The following TMEM232 variants were observed in gnomAD, a reference collection of about 807,000 sequenced individuals.
The protein encoded by TMEM232 is transmembrane protein 232.
TMEM232 carries 80 observed loss-of-function variants against 78.8 expected under a neutral mutation model. The observed-to-expected ratio is 1.01, with a 90% CI of 0.85 to 1.22. The LOEUF (loss-of-function observed/expected upper bound fraction) is 1.22. TMEM232 is among the 50% of genes most tolerant of loss of function. TMEM232 has a pLI of 0.00. For missense variants in TMEM232, 881 were observed against 742.2 expected (o/e 1.19, Z -2.17); for synonymous variants, 297 against 254.3 (o/e 1.17, Z -1.60).
At chr5:110,691,747 A>C (rs1222942180) in intron 1 of TMEM232, among the ~76,000 whole-genome samples, 1 of 152,226 alleles carries the variant, frequency 6.6e-6, no homozygotes, top group Non-Finnish European at 1.5e-5. Flanking sequence ...TTTACCCTAC[A>C]TACCGTAACC....
At chr5:110,734,439 C>G (rs768549970) in intron 2 of TMEM232, among the ~76,000 whole-genome samples, 1 of 152,184 alleles carries the variant, frequency 6.6e-6, no homozygotes, top group Non-Finnish European at 1.5e-5. Flanking sequence ...TACCAACTAC[C>G]CAAAGGGCAG....
rs116044417 is a variant in TMEM232, at chr5:110,504,766, T to C, written c.1703+23822A>G. Among the ~76,000 whole-genome samples the C allele has an allele frequency of 2.1e-3, 325 of 152,314 alleles. 2 individuals carry two copies. The highest frequency in any genetic ancestry group is 7.4e-3 in the African/African-American group (309 of 41,580). Reference sequence around the variant, plus strand: ...ACTGATTGGACAAGGGCCACCCAAATTAGGAAGGGCAACTTGCTTTACTCA... The same window carrying C: ...ACTGATTGGACAAGGGCCACCCAAACTAGGAAGGGCAACTTGCTTTACTCA... On this transcript the variant is annotated intron_variant, in intron 12 of 13. Coordinates refer to ENST00000455884, the MANE Select transcript of TMEM232 (RefSeq NM_001039763.4).
At chr5:110,475,675 T>C (rs1580837193) in intron 12 of TMEM232, among the ~76,000 whole-genome samples, 1 of 151,820 alleles carries the variant, frequency 6.6e-6, no homozygotes, top group Admixed American at 6.6e-5. Context: ...AAGTGGCTAG[T>C]TTGTTTGCAA....
chr5:110,709,760 AT>A (rs1796285181), intron 1 of TMEM232, among the ~76,000 whole-genome samples: 1 of 152,070 alleles, frequency 6.6e-6, no homozygotes, highest in Non-Finnish European at 1.5e-5. Flanking sequence ...ATTTATTGCT[AT>A]AAATGGCTAC....
At chr5:110,478,483 A>G (rs1337794323) in intron 12 of TMEM232, among the ~76,000 whole-genome samples, 2 of 151,920 alleles carry the variant, frequency 1.3e-5, no homozygotes, top group East Asian at 1.9e-4. Flanking sequence ...GAAATGTCTA[A>G]GCAACTGAGG....
intron 12 of TMEM232, among the ~76,000 whole-genome samples, chr5:110,514,896 G>C (rs953811268): frequency 6.6e-6 from 1 of 151,994 alleles, no homozygotes; most frequent in Non-Finnish European, 1.5e-5. Context: ...TCAAGGCCTA[G>C]AAAAAATAAG....
chr5:110,532,132 C>T (rs2149540938), intron 11 of TMEM232, among the ~76,000 whole-genome samples: 2 of 152,208 alleles, frequency 1.3e-5, no homozygotes, highest in Middle Eastern at 6.8e-3. Flanking sequence ...AAAATCTGGC[C>T]ACCAAGCCAA....
chr5:110,524,278 A>G (rs1419056940), intron 12 of TMEM232, among the ~76,000 whole-genome samples: 1 of 148,048 alleles, frequency 6.8e-6, no homozygotes, highest in Non-Finnish European at 1.5e-5. Flanking sequence ...AAAAAAAAGG[A>G]AAAGAGAGAG....
chr5:110,539,463 A>G (rs1328821706), intron 11 of TMEM232, among the ~76,000 whole-genome samples: 1 of 152,206 alleles, frequency 6.6e-6, no homozygotes, highest in Non-Finnish European at 1.5e-5. Context: ...CTCCTGGCTC[A>G]GGTGCCAAAA....
chr5:110,403,921 G>T (rs1188484085), intron 2 of TMEM232, among the ~76,000 whole-genome samples: 1 of 151,926 alleles, frequency 6.6e-6, no homozygotes, highest in Non-Finnish European at 1.5e-5. Context: ...AATTCTTCAT[G>T]CTAGGAGATA....
intron 1 of TMEM232, among the ~76,000 whole-genome samples, chr5:110,713,033 T>G (rs567119056): frequency 1.3e-5 from 2 of 151,916 alleles, no homozygotes; most frequent in Admixed American, 1.3e-4. Flanking sequence ...GATGAGTGGA[T>G]AGAGAAAATG....
chr5:110,569,556 G>A (rs958990272), intron 10 of TMEM232, among the ~76,000 whole-genome samples: 2 of 151,850 alleles, frequency 1.3e-5, no homozygotes, highest in African/African-American at 2.4e-5. Flanking sequence ...GAGTTTTAAA[G>A]CCCTTTAAAT....
chr5:110,393,901 C>T (rs192821041), intron 3 of TMEM232, among the ~76,000 whole-genome samples: 70 of 144,224 alleles, frequency 4.9e-4, no homozygotes, highest in South Asian at 2.0e-3. Flanking sequence ...GAGGTTGCAG[C>T]GGGCCACAAT....
chr5:110,528,476 G>A, intron 12 of TMEM232, 112 bp downstream of exon 12: 19 of 1,210,938 alleles, frequency 1.6e-5, no homozygotes, highest in Non-Finnish European at 2.1e-5. Context: ...GCCAAAATTT[G>A]AATTGAAGAA....
intron 2 of TMEM232, among the ~76,000 whole-genome samples, chr5:110,643,099 A>G (rs1786976342): frequency 6.6e-6 from 1 of 152,084 alleles, no homozygotes; most frequent in Non-Finnish European, 1.5e-5. Flanking sequence ...TTCGGCTCCA[A>G]CCAGATTTGC....
At chr5:110,460,512 C>CAAAG (rs1194433925) in intron 12 of TMEM232, among the ~76,000 whole-genome samples, 3 of 151,988 alleles carry the variant, frequency 2.0e-5, no homozygotes, top group Non-Finnish European at 4.4e-5. Flanking sequence ...AAAAATACTG[C>CAAAG]AAAGAAATTA....
At chr5:110,589,425 C>G (rs1779235399) in intron 10 of TMEM232, among the ~76,000 whole-genome samples, 1 of 152,092 alleles carries the variant, frequency 6.6e-6, no homozygotes, top group Non-Finnish European at 1.5e-5. Flanking sequence ...TAATGACTGT[C>G]TGAGAGAATT....
At chr5:110,632,417 T>C (rs567355685) in intron 5 of TMEM232, among the ~76,000 whole-genome samples, 1 of 152,000 alleles carries the variant, frequency 6.6e-6, no homozygotes, top group South Asian at 2.1e-4. Flanking sequence ...AAAAGAAATG[T>C]GTGACATCAC....
chr5:110,728,544 G>C (rs1345426688), upstream of TMEM232, among the ~76,000 whole-genome samples: 2 of 151,506 alleles, frequency 1.3e-5, no homozygotes, highest in Admixed American at 6.6e-5. Context: ...ATAATATTAA[G>C]CTAATAGGAG....
Sources: allele counts gnomAD v4.1 joint callset (sites outside exome capture counted in the v4.1 genomes callset), GRCh38; gene constraint gnomAD v4.1.1; transcripts MANE v1.5; gene names NCBI Gene and HGNC (gene_info 2026-07-23, HGNC 2026-07-21).